FTO: variants seen among roughly 807,000 people sequenced by gnomAD.
FTO encodes the protein FTO alpha-ketoglutarate dependent dioxygenase, also known as alpha-ketoglutarate-dependent dioxygenase FTO.
Under a neutral mutation model 63.9 loss-of-function variants are expected in FTO, and 47 were observed. That is an observed-to-expected ratio of 0.74 (90% CI 0.58 to 0.94). FTO has a LOEUF of 0.94. Among genes scored for constraint, FTO ranks in the 40% least tolerant of loss-of-function variants. The probability of loss-of-function intolerance (pLI) is 0.00; values close to 1 mark genes in which losing one functional copy is unlikely to be tolerated. For synonymous variants in FTO, 207 were observed against 224.4 expected, an observed-to-expected ratio of 0.92 and a Z score of 0.69; for missense variants, 562 against 618.1, an observed-to-expected ratio of 0.91 and a Z score of 0.96.
intron 1 of FTO, among the ~76,000 whole-genome samples, chr16:53,738,021 G>A (rs55957998): frequency 2.9e-5 from 4 of 136,434 alleles, no homozygotes; most frequent in African/African-American, 8.5e-5. Flanking sequence ...TTGCACAATC[G>A]TAGCTTTTTT....
intron 8 of FTO, among the ~76,000 whole-genome samples, chr16:54,081,742 GGACTTTCCTTCCTTCAGGA>G (rs2086149148): frequency 6.6e-6 from 1 of 152,130 alleles, no homozygotes; most frequent in Non-Finnish European, 1.5e-5. Flanking sequence ...CAGAGTCTAT[GGACTTTCCTTCCTTCAGGA>G]GAGGATGGGC....
At chr16:53,850,813 G>A (rs1280123520) in intron 4 of FTO, among the ~76,000 whole-genome samples, 2 of 151,990 alleles carry the variant, frequency 1.3e-5, no homozygotes, top group Non-Finnish European at 2.9e-5. Context: ...TTAAGGCTAT[G>A]AAAATGCTCT....
At chr16:53,959,341 A>C (rs55750853) in intron 8 of FTO, among the ~76,000 whole-genome samples, 1 of 152,140 alleles carries the variant, frequency 6.6e-6, no homozygotes, top group South Asian at 2.1e-4. Context: ...GGGCTTGAAT[A>C]GTTGCAGTCC....
intron 8 of FTO, among the ~76,000 whole-genome samples, chr16:53,975,999 G>A (rs993350410): frequency 3.4e-4 from 51 of 152,114 alleles, no homozygotes; most frequent in African/African-American, 1.2e-3. Context: ...TGATCATCAG[G>A]ACTCTGTGCT....
At chr16:53,966,781 C>T (rs1362928759) in intron 8 of FTO, among the ~76,000 whole-genome samples, 21 of 152,150 alleles carry the variant, frequency 1.4e-4, no homozygotes, top group African/African-American at 4.8e-4. Flanking sequence ...AATTTTATGC[C>T]GCTAGATATG....
At chr16:53,896,336 A>G (rs919587640) in intron 7 of FTO, among the ~76,000 whole-genome samples, 9 of 145,792 alleles carry the variant, frequency 6.2e-5, no homozygotes, top group Admixed American at 2.8e-4. Context: ...TTTTGTGGGG[A>G]GCATGGTAGA....
intron 8 of FTO, among the ~76,000 whole-genome samples, chr16:54,049,401 G>T (rs2085261649): frequency 6.6e-6 from 1 of 152,164 alleles, no homozygotes; most frequent in African/African-American, 2.4e-5. Context: ...GTGTTTATGG[G>T]CATGTGTGTG....
At chr16:53,882,234 C>T (rs1053693987) in intron 6 of FTO, among the ~76,000 whole-genome samples, 2 of 152,146 alleles carry the variant, frequency 1.3e-5, no homozygotes, top group East Asian at 1.9e-4. Flanking sequence ...TTACTGAGCA[C>T]GTGCCAGACA....
At chr16:53,713,013 A>G (rs539413604) in intron 1 of FTO, among the ~76,000 whole-genome samples, 12 of 151,410 alleles carry the variant, frequency 7.9e-5, no homozygotes, top group African/African-American at 2.7e-4. Flanking sequence ...TGCCAGACAC[A>G]TGGTAGATAT....
At chr16:53,815,871 A>AC (rs1181876642) in intron 2 of FTO, among the ~76,000 whole-genome samples, 18 of 148,780 alleles carry the variant, frequency 1.2e-4, no homozygotes, top group African/African-American at 4.0e-4. Flanking sequence ...CTGGTCTCAA[A>AC]CTCCTGACCT....
intron 6 of FTO, among the ~76,000 whole-genome samples, chr16:53,880,995 G>C (rs1412638802): frequency 6.7e-6 from 1 of 150,128 alleles, no homozygotes; most frequent in East Asian, 2.0e-4. Flanking sequence ...GGTGGCGGGT[G>C]CCTGTAGTAC....
chr16:53,824,386 T>C (rs2151770307), intron 2 of FTO, among the ~76,000 whole-genome samples: 2 of 152,356 alleles, frequency 1.3e-5, no homozygotes, highest in Admixed American at 1.3e-4. Context: ...TGGCTTGTCA[T>C]ATTTCTGGTG....
At chr16:53,930,288 A>G (rs966440503) in intron 7 of FTO, among the ~76,000 whole-genome samples, 1 of 122,130 alleles carries the variant, frequency 8.2e-6, no homozygotes, top group Non-Finnish European at 1.6e-5. Flanking sequence ...AAGTGGCGCG[A>G]TCTTGGCTCA....
intron 7 of FTO, among the ~76,000 whole-genome samples, chr16:53,910,413 G>T (rs1456171926): frequency 6.6e-6 from 1 of 152,140 alleles, no homozygotes; most frequent in Non-Finnish European, 1.5e-5. Context: ...CAGCATTGTG[G>T]ATAGACTAGA....
At chr16:53,801,758 ATTCTTTTTT>A (rs1436927250) in intron 1 of FTO, among the ~76,000 whole-genome samples, 1 of 140,568 alleles carries the variant, frequency 7.1e-6, no homozygotes, top group African/African-American at 2.7e-5. Flanking sequence ...ATTTGGTGTT[ATTCTTTTTT>A]TTCTTTTTTT....
chr16:53,886,283 G>GT (rs1440974653), intron 6 of FTO, among the ~76,000 whole-genome samples: 4 of 152,102 alleles, frequency 2.6e-5, no homozygotes, highest in Admixed American at 6.5e-5. Flanking sequence ...AGTCACCATG[G>GT]TTGGCGAGCC....
chr16:53,926,925 C>T (rs1261391841), intron 7 of FTO, among the ~76,000 whole-genome samples: 2 of 152,004 alleles, frequency 1.3e-5, no homozygotes, highest in Admixed American at 1.3e-4. Context: ...CAAAGGTGCT[C>T]TGGTTTAGGT....
intron 2 of FTO, among the ~76,000 whole-genome samples, chr16:53,816,764 T>C (rs2078703794): frequency 6.6e-6 from 1 of 152,174 alleles, no homozygotes. Context: ...GCTTTATTTT[T>C]CCCCGTAGAC....
chr16:54,020,204 T>C (rs1410974275), intron 8 of FTO, among the ~76,000 whole-genome samples: 3 of 152,186 alleles, frequency 2.0e-5, no homozygotes, highest in Non-Finnish European at 4.4e-5. Context: ...GTCTTTCCTG[T>C]ATGCAGTTGG....
Sources: allele counts gnomAD v4.1 joint callset (sites outside exome capture counted in the v4.1 genomes callset), GRCh38; gene constraint gnomAD v4.1.1; transcripts MANE v1.5; gene names NCBI Gene and HGNC (gene_info 2026-07-23, HGNC 2026-07-21).